The following FHIT variants were observed in gnomAD, a reference collection of about 807,000 sequenced individuals.
The protein encoded by FHIT is fragile histidine triad diadenosine triphosphatase, also known as bis(5'-adenosyl)-triphosphatase.
Under a neutral mutation model 17.9 loss-of-function variants are expected in FHIT, and 19 were observed. The observed-to-expected ratio is 1.06, with a 90% CI of 0.74 to 1.56. The LOEUF (loss-of-function observed/expected upper bound fraction) is 1.56. Ranked by LOEUF, FHIT falls within the 40% of genes most tolerant of loss-of-function variation. FHIT has a pLI of 0.00. For synonymous variants in FHIT, 81 were observed against 69.7 expected, an observed-to-expected ratio of 1.16 and a Z score of -0.81; for missense variants, 248 against 189.2, an observed-to-expected ratio of 1.31 and a Z score of -1.82.
chr3:61,155,442 C>T (rs762415665), intron 2 of FHIT, among the ~76,000 whole-genome samples: 1 of 152,128 alleles, frequency 6.6e-6, no homozygotes, highest in Non-Finnish European at 1.5e-5. Flanking sequence ...CTAGTCAACA[C>T]CTACTATTCT....
At chr3:60,805,422 T>C (rs1347930936) in intron 4 of FHIT, among the ~76,000 whole-genome samples, 1 of 152,204 alleles carries the variant, frequency 6.6e-6, no homozygotes, top group Non-Finnish European at 1.5e-5. Flanking sequence ...CCATGTCACA[T>C]GGTCTTTCCT....
intron 8 of FHIT, among the ~76,000 whole-genome samples, chr3:59,762,801 A>G (rs1008134087): frequency 2.6e-5 from 4 of 152,200 alleles, no homozygotes; most frequent in South Asian, 2.1e-4. Context: ...ACCTCACCCC[A>G]GGCGCCATCA....
At chr3:61,081,034 C>A (rs188494804) in intron 2 of FHIT, among the ~76,000 whole-genome samples, 2 of 152,266 alleles carry the variant, frequency 1.3e-5, no homozygotes, top group African/African-American at 4.8e-5. Flanking sequence ...AGAGAAGCAT[C>A]TGACAAAGAT....
At chr3:60,820,033 A>C (rs1353544086) in intron 4 of FHIT, among the ~76,000 whole-genome samples, 1 of 152,144 alleles carries the variant, frequency 6.6e-6, no homozygotes, top group Non-Finnish European at 1.5e-5. Flanking sequence ...TCTAGCCGGG[A>C]GTGATGGCTC....
In FHIT at chr3:60,552,452, GAGGGT is replaced by G. The variant is rs1230704184; in HGVS notation, c.-17-15478_-17-15474del. 3.3e-5 allele frequency among the ~76,000 whole-genome samples: 5 copies of G among 152,262 alleles called. No individual in the cohort carries two copies. In the South Asian group the frequency reaches 6.2e-4, roughly 19 times the overall value. On this transcript the variant is annotated intron_variant, in intron 4 of 9. Transcript: ENST00000492590. ...TTTTACATTACCACCACCAATGAAAGAGGGTTCCAAGTCCTCCACATTCCTCACCA... is the reference window on the plus strand; with the variant it reads ...TTTTACATTACCACCACCAATGAAAGTCCAAGTCCTCCACATTCCTCACCA...
At chr3:60,721,914 A>G (rs192715967) in intron 4 of FHIT, among the ~76,000 whole-genome samples, 3 of 152,338 alleles carry the variant, frequency 2.0e-5, no homozygotes, top group Admixed American at 2.0e-4. Context: ...GGTAATATGT[A>G]CTTCATGCTT....
chr3:61,180,755 C>G (rs1355316620), intron 2 of FHIT, among the ~76,000 whole-genome samples: 2 of 152,100 alleles, frequency 1.3e-5, no homozygotes, highest in Non-Finnish European at 2.9e-5. Context: ...TAGACAAGAA[C>G]TATGGGGGAG....
At chr3:60,058,165 G>C (rs2472012) in intron 5 of FHIT, among the ~76,000 whole-genome samples, 1 of 116,626 alleles carries the variant, frequency 8.6e-6, no homozygotes, top group African/African-American at 3.3e-5. Context: ...TTTTGAGACA[G>C]AGTCTCGCTC....
intron 5 of FHIT, among the ~76,000 whole-genome samples, chr3:60,482,357 A>T (rs10084745): frequency 0.12 from 18,243 of 152,124 alleles, 1,663 homozygotes; most frequent in East Asian, 0.37. Context: ...AGAACTCCCT[A>T]CCCCAACGCA....
At chr3:59,853,223 T>C (rs1347208025) in intron 8 of FHIT, among the ~76,000 whole-genome samples, 1 of 152,224 alleles carries the variant, frequency 6.6e-6, no homozygotes, top group Non-Finnish European at 1.5e-5. Flanking sequence ...TTCTAATAAG[T>C]GTGTGGTGGT....
chr3:60,857,704 G>C (rs1166713160), intron 3 of FHIT, among the ~76,000 whole-genome samples: 1 of 152,276 alleles, frequency 6.6e-6, no homozygotes, highest in Admixed American at 6.5e-5. Flanking sequence ...CAAAGTGGGA[G>C]GATCACTTCA....
chr3:60,864,837 T>C (rs781990136), intron 3 of FHIT, among the ~76,000 whole-genome samples: 12 of 152,034 alleles, frequency 7.9e-5, no homozygotes, highest in Admixed American at 3.3e-4. Flanking sequence ...TTAATACAAC[T>C]TAGAAAACAC....
chr3:60,341,299 T>C (rs1235549801), intron 5 of FHIT, among the ~76,000 whole-genome samples: 2 of 152,178 alleles, frequency 1.3e-5, no homozygotes, highest in Non-Finnish European at 2.9e-5. Context: ...TATGTTGAAT[T>C]TATAATTTTA....
intron 4 of FHIT, among the ~76,000 whole-genome samples, chr3:60,632,625 A>G (rs2039475421): frequency 6.6e-6 from 1 of 152,318 alleles, no homozygotes; most frequent in Non-Finnish European, 1.5e-5. Context: ...TACCTCGGAG[A>G]TAAACTTTCT....
chr3:59,854,653 A>T (rs1370064480), intron 8 of FHIT, among the ~76,000 whole-genome samples: 1 of 152,176 alleles, frequency 6.6e-6, no homozygotes, highest in Non-Finnish European at 1.5e-5. Flanking sequence ...ACAGATGAAA[A>T]AACTGAGGTC....
intron 4 of FHIT, among the ~76,000 whole-genome samples, chr3:60,543,766 A>G (rs1444246213): frequency 6.7e-5 from 10 of 149,648 alleles, no homozygotes; most frequent in African/African-American, 2.6e-4. Context: ...TTGTTTTCAG[A>G]CAGAGTTTCG....
At chr3:60,602,367 G>A (rs1450949213) in intron 4 of FHIT, among the ~76,000 whole-genome samples, 2 of 152,142 alleles carry the variant, frequency 1.3e-5, no homozygotes, top group Non-Finnish European at 2.9e-5. Flanking sequence ...AAACCATGGA[G>A]CAATGTCTAA....
intron 2 of FHIT, among the ~76,000 whole-genome samples, chr3:61,117,564 A>G (rs2036335313): frequency 6.6e-6 from 1 of 152,206 alleles, no homozygotes; most frequent in Non-Finnish European, 1.5e-5. Context: ...GGGCAGAACT[A>G]TACAAAAAGA....
intron 5 of FHIT, among the ~76,000 whole-genome samples, chr3:60,095,620 CT>C (rs1703913184): frequency 6.6e-6 from 1 of 152,148 alleles, no homozygotes; most frequent in South Asian, 2.1e-4. Flanking sequence ...AGAGGGAAAG[CT>C]GAGGGTGAAG....
Sources: allele counts gnomAD v4.1 joint callset (sites outside exome capture counted in the v4.1 genomes callset), GRCh38; gene constraint gnomAD v4.1.1; transcripts MANE v1.5; gene names NCBI Gene and HGNC (gene_info 2026-07-23, HGNC 2026-07-21).